MEIOB: variants seen among roughly 807,000 people sequenced by gnomAD.
MEIOB encodes the protein meiosis specific with OB-fold, also known as meiosis-specific with OB domain-containing protein.
A neutral mutation model predicts 53.1 loss-of-function variants in MEIOB; 50 were observed. That is an observed-to-expected ratio of 0.94 (90% CI 0.75 to 1.19). The LOEUF is 1.19. MEIOB is among the 50% of genes most tolerant of loss of function. MEIOB has a pLI of 0.00. For synonymous variants in MEIOB, 192 were observed against 182.5 expected (o/e 1.05, Z -0.42); for missense variants, 551 against 550.8 (o/e 1.00, Z 0.00).
chr16:1,855,356 C>T (rs1275144380), intron 6 of MEIOB, among the ~76,000 whole-genome samples: 1 of 151,994 alleles, frequency 6.6e-6, no homozygotes, highest in African/African-American at 2.4e-5. Flanking sequence ...TGCTTGAACC[C>T]GGGAGGTGGA....
rs1174390827 is a variant in MEIOB at position 1,857,964 on chromosome 16, A to G, written c.333-34T>C. ...CAAAAACACAAGAAAGTTATTTGAAAGTGATCTTTGGAAAGAAAAATATTT... is the reference window on the plus strand; with the variant it reads ...CAAAAACACAAGAAAGTTATTTGAAGGTGATCTTTGGAAAGAAAAATATTT... On this transcript the variant is annotated intron_variant, in intron 5 of 13. Transcript: ENST00000325962. 2.9e-6 allele frequency: 4 copies of G among 1,386,930 alleles called. No homozygotes were observed. In the African/African-American group the frequency reaches 5.8e-5, roughly 20 times the overall value. The allele number at this position is 1,386,930 out of a possible 1,614,324, so 85.9% of individuals were successfully genotyped here.
intron 5 of MEIOB, among the ~76,000 whole-genome samples, chr16:1,858,392 G>A (rs574350606): frequency 3.9e-5 from 6 of 152,218 alleles, no homozygotes; most frequent in Admixed American, 3.9e-4. Flanking sequence ...CCCGAACTGA[G>A]GAGCTCTCCC....
At chr16:1,869,852 T>C (rs550872418) in intron 1 of MEIOB, among the ~76,000 whole-genome samples, 1 of 150,758 alleles carries the variant, frequency 6.6e-6, no homozygotes, top group African/African-American at 2.4e-5. Flanking sequence ...CATTTGATTA[T>C]ACTGTGTGAA....
At chr16:1,837,935 A>C in intron 12 of MEIOB, 65 bp from the exon 13 acceptor site, 1 of 1,456,276 alleles carries the variant, frequency 6.9e-7, no homozygotes, top group East Asian at 2.5e-5. Context: ...ATTTTTGACA[A>C]CAGTGTGAAA....
At chr16:1,866,957 C>A (rs1049227694) in intron 2 of MEIOB, among the ~76,000 whole-genome samples, 1 of 152,080 alleles carries the variant, frequency 6.6e-6, no homozygotes, top group East Asian at 1.9e-4. Flanking sequence ...ACTTGCAGAT[C>A]TCACTGAATT....
chr16:1,862,185 T>G, intron 3 of MEIOB, 69 bp from the exon 4 acceptor site: 1 of 1,282,480 alleles, frequency 7.8e-7, no homozygotes, highest in Non-Finnish European at 1.1e-6. Context: ...TTTTGATAAG[T>G]GTTACATGAA....
Position 1,846,626 on chromosome 16 carries a change from AG to A in MEIOB, c.779-1664del, listed in dbSNP as rs199523956. ...CATGGAATACAATGCAACCATAAAA[AG>A]GAATGAGATCATGTCCTTTGCAGAG... On this transcript the variant is annotated intron_variant, in intron 9 of 13. Transcript: ENST00000325962. 2.5e-3 allele frequency among the ~76,000 whole-genome samples: 385 copies of A among 152,368 alleles called. 9 individuals carry two copies. The highest frequency in any genetic ancestry group is 0.02 in the Admixed American group (310 of 15,296).
chr16:1,862,611 C>A (rs1327059315), intron 3 of MEIOB, among the ~76,000 whole-genome samples: 2 of 151,980 alleles, frequency 1.3e-5, no homozygotes, highest in African/African-American at 4.8e-5. Context: ...CAGAGCAAGA[C>A]CCCGTCCCAA....
chr16:1,857,141 C>G (rs1361688775), intron 6 of MEIOB, among the ~76,000 whole-genome samples: 1 of 152,212 alleles, frequency 6.6e-6, no homozygotes, highest in Non-Finnish European at 1.5e-5. Flanking sequence ...TCTGGTCTGT[C>G]CAACTACAGA....
At chr16:1,861,269 C>A (rs1316503000) in intron 4 of MEIOB, among the ~76,000 whole-genome samples, 1 of 152,148 alleles carries the variant, frequency 6.6e-6, no homozygotes. Context: ...GGTATTTCAA[C>A]TAAAAGTAAA....
At chr16:1,857,997 C>T in intron 5 of MEIOB, 67 bp from the exon 6 acceptor site, 1 of 955,226 alleles carries the variant, frequency 1.0e-6, no homozygotes, top group Non-Finnish European at 1.5e-6. Context: ...TTTCCAGGTC[C>T]ACATTTAAAC....
chr16:1,846,120 G>T (rs778336254), intron 9 of MEIOB, among the ~76,000 whole-genome samples: 2 of 152,102 alleles, frequency 1.3e-5, no homozygotes, highest in African/African-American at 4.8e-5. Flanking sequence ...TCAATTCTTG[G>T]CAAGTAAAAG....
intron 3 of MEIOB, among the ~76,000 whole-genome samples, chr16:1,864,089 CT>C (rs1899524452): frequency 6.6e-6 from 1 of 152,172 alleles, no homozygotes; most frequent in South Asian, 2.1e-4. Context: ...AGGGTTGAGG[CT>C]GCAGTGAGCT....
intron 1 of MEIOB, among the ~76,000 whole-genome samples, chr16:1,871,312 C>T (rs1899738020): frequency 7.0e-6 from 1 of 142,530 alleles, no homozygotes; most frequent in South Asian, 2.4e-4. Context: ...CTCCGCCTCC[C>T]GGGTTCACGC....
rs760667884 is a variant in MEIOB, at chr16:1,854,117, C to T, written c.612G>A (p.Ser204=). 46 of 1,548,682 alleles carry T rather than the reference C, an allele frequency of 3.0e-5. No homozygotes were observed. The African/African-American group carries it at 3.6e-4, about 12-fold the overall frequency. ...GTGTTTACCATGTCATCGCAAAAGA[C>T]GACTCTGTTTCATCATAGAGTCTAA... ...CEVRLYDETE[S]SFAMTCWDNE... Residue 204 remains serine (S), a synonymous_variant, in exon 7 of 14, where the codon TCG becomes TCA. Transcript: ENST00000325962.
intron 3 of MEIOB, 124 bp downstream of exon 3, chr16:1,865,654 G>T: frequency 1.5e-6 from 1 of 670,654 alleles, no homozygotes; most frequent in Non-Finnish European, 2.5e-6. Context: ...ATCCAATAGA[G>T]AGCATGACCA....
At chr16:1,854,615 C>T (rs1567277851) in intron 6 of MEIOB, among the ~76,000 whole-genome samples, 2 of 152,136 alleles carry the variant, frequency 1.3e-5, no homozygotes, top group East Asian at 1.9e-4. Flanking sequence ...TCAGCACCTC[C>T]GTCTTCTTAG....
At chr16:1,847,037 C>A (rs995265001) in intron 9 of MEIOB, among the ~76,000 whole-genome samples, 2 of 151,848 alleles carry the variant, frequency 1.3e-5, no homozygotes, top group African/African-American at 4.8e-5. Flanking sequence ...CACCTGTAGT[C>A]CCAGCTACTC....
intron 3 of MEIOB, among the ~76,000 whole-genome samples, chr16:1,865,414 A>G (rs376667148): frequency 5.7e-5 from 8 of 139,868 alleles, no homozygotes; most frequent in African/African-American, 1.9e-4. Flanking sequence ...CCTGAGTGAC[A>G]GAGCGAGCCT....
Sources: allele counts gnomAD v4.1 joint callset (sites outside exome capture counted in the v4.1 genomes callset), GRCh38; gene constraint gnomAD v4.1.1; transcripts MANE v1.5; gene names NCBI Gene and HGNC (gene_info 2026-07-23, HGNC 2026-07-21).